Variants in THRB observed in about 807,000 individuals in gnomAD.
THRB encodes the protein nuclear receptor subfamily 1 group A member 2.
THRB carries 12 observed loss-of-function variants against 47.8 expected under a neutral mutation model. The observed-to-expected ratio is 0.25, with a 90% CI of 0.16 to 0.41. The LOEUF (loss-of-function observed/expected upper bound fraction) is 0.41. THRB is among the 10% of genes least tolerant of loss of function. The pLI is 1.00. For synonymous variants in THRB, 218 were observed against 212.2 expected (o/e 1.03, Z -0.24); for missense variants, 348 against 589.2 (o/e 0.59, Z 4.24).
In THRB at chr3:24,296,359, C is replaced by T. The variant is rs894819071; in HGVS notation, c.-43+867G>A. On this transcript the variant is annotated intron_variant, in intron 3 of 10. Transcript: ENST00000646209. The stretch of plus-strand genomic sequence containing the variant: ...GTGGCTTCCTATTTTAGGATAATGT[C>T]GGCTTCGGTTAGAAGCTTGACTTCC... 8.5e-5 allele frequency among the ~76,000 whole-genome samples: 13 copies of T among 152,192 alleles called. No individual in the cohort carries two copies. In the South Asian group the frequency reaches 1.2e-3, roughly 15 times the overall value.
At chr3:24,216,740 A>C (rs796581764) in intron 4 of THRB, among the ~76,000 whole-genome samples, 5 of 152,300 alleles carry the variant, frequency 3.3e-5, no homozygotes, top group African/African-American at 1.2e-4. Flanking sequence ...CAAAAATGTT[A>C]AATTGTATTA....
At chr3:24,450,462 T>A (rs1456089436) in intron 1 of THRB, among the ~76,000 whole-genome samples, 1 of 152,236 alleles carries the variant, frequency 6.6e-6, no homozygotes, top group African/African-American at 2.4e-5. Context: ...TTATCTCCAT[T>A]TGTGCATTTA....
chr3:24,487,346 A>G (rs1355345992), intron 1 of THRB, among the ~76,000 whole-genome samples: 3 of 121,996 alleles, frequency 2.5e-5, no homozygotes, highest in Non-Finnish European at 4.9e-5. Context: ...ACACACAAGC[A>G]CACACACACA....
At chr3:24,316,401 C>T (rs1026051838) in intron 2 of THRB, among the ~76,000 whole-genome samples, 12 of 151,894 alleles carry the variant, frequency 7.9e-5, no homozygotes, top group African/African-American at 1.5e-4. Flanking sequence ...CCTTCTCCCT[C>T]GGTTCCTTCC....
intron 5 of THRB, among the ~76,000 whole-genome samples, chr3:24,170,969 T>C (rs946965541): frequency 4.6e-5 from 7 of 152,232 alleles, no homozygotes; most frequent in Non-Finnish European, 8.8e-5. Flanking sequence ...TGTTCTTTTA[T>C]ATCTTCGTCA....
intron 4 of THRB, among the ~76,000 whole-genome samples, chr3:24,200,937 G>A (rs887822792): frequency 5.9e-5 from 9 of 152,130 alleles, no homozygotes; most frequent in Non-Finnish European, 1.2e-4. Flanking sequence ...GGCCTTAGTG[G>A]TATGACTTAA....
In THRB at chr3:24,163,628, T is replaced by C. The variant is rs1298897442; in HGVS notation, c.284-11138A>G. Among the ~76,000 whole-genome samples the C allele has an allele frequency of 3.3e-5, 5 of 152,174 alleles. No homozygotes were observed. In the East Asian group the frequency reaches 7.7e-4, roughly 23 times the overall value. On this transcript the variant is annotated intron_variant, in intron 5 of 10. Coordinates refer to ENST00000646209, the MANE Select transcript of THRB (RefSeq NM_001354712.2). ...AAATTACTTATACTATTAAATGAAA[T>C]AGCACATGTTCAATGTACCTCAAAT...
intron 6 of THRB, among the ~76,000 whole-genome samples, chr3:24,151,128 A>G (rs1299194066): frequency 6.6e-6 from 1 of 152,208 alleles, no homozygotes; most frequent in Non-Finnish European, 1.5e-5. Flanking sequence ...ATAAATAAGA[A>G]CATGTTACAC....
chr3:24,299,788 T>A (rs905422268), intron 2 of THRB, among the ~76,000 whole-genome samples: 10 of 94,988 alleles, frequency 1.1e-4, no homozygotes, highest in African/African-American at 1.3e-4. Flanking sequence ...TTTATTTATT[T>A]ATTTTTTTTT....
At chr3:24,359,599 T>C (rs1227851471) in intron 1 of THRB, among the ~76,000 whole-genome samples, 2 of 152,182 alleles carry the variant, frequency 1.3e-5, no homozygotes, top group Non-Finnish European at 2.9e-5. Context: ...AGTAGAAAAC[T>C]AGACAATTTT....
At chr3:24,285,021 T>C (rs943555480) in intron 3 of THRB, among the ~76,000 whole-genome samples, 5 of 152,116 alleles carry the variant, frequency 3.3e-5, no homozygotes, top group Admixed American at 2.6e-4. Context: ...GAAGTCAGTG[T>C]GGTGATTCCT....
intron 3 of THRB, among the ~76,000 whole-genome samples, chr3:24,264,258 G>A (rs913080518): frequency 5.9e-5 from 9 of 151,994 alleles, no homozygotes; most frequent in South Asian, 2.1e-4. Flanking sequence ...TTCATTTTAC[G>A]TTTGAAGAAA....
At chr3:24,342,415 G>C (rs1212651238) in intron 1 of THRB, among the ~76,000 whole-genome samples, 2 of 152,276 alleles carry the variant, frequency 1.3e-5, no homozygotes, top group African/African-American at 4.8e-5. Context: ...TGATATTGGA[G>C]CCCTGGGGTG....
At chr3:24,482,836 C>T (rs530949150) in intron 1 of THRB, among the ~76,000 whole-genome samples, 40 of 152,170 alleles carry the variant, frequency 2.6e-4, no homozygotes, top group Admixed American at 6.5e-4. Flanking sequence ...TGTACCTGAG[C>T]GACATTATCA....
At chr3:24,269,399 GCGCGCACACACACACA>G (rs770944970) in intron 3 of THRB, among the ~76,000 whole-genome samples, 5 of 89,872 alleles carry the variant, frequency 5.6e-5, no homozygotes, top group Non-Finnish European at 9.2e-5. Flanking sequence ...GCGCGCGCGC[GCGCGCACACACACACA>G]CACACACACA....
At chr3:24,164,055 T>C (rs1275590390) in intron 5 of THRB, among the ~76,000 whole-genome samples, 1 of 152,130 alleles carries the variant, frequency 6.6e-6, no homozygotes, top group Admixed American at 6.5e-5. Context: ...TAGAAACTCG[T>C]AAATTTGGTT....
chr3:24,308,158 C>T (rs1576716620), intron 2 of THRB, among the ~76,000 whole-genome samples: 1 of 151,472 alleles, frequency 6.6e-6, no homozygotes, highest in Admixed American at 6.6e-5. Flanking sequence ...TAGCCTGGAA[C>T]TTAAAATAAA....
intron 4 of THRB, among the ~76,000 whole-genome samples, chr3:24,197,771 A>G (rs756343597): frequency 6.6e-6 from 1 of 152,244 alleles, no homozygotes; most frequent in African/African-American, 2.4e-5. Context: ...TTAGCATCAA[A>G]GTTCTGCAAC....
chr3:24,314,818 T>G (rs1401567248), intron 2 of THRB, among the ~76,000 whole-genome samples: 1 of 152,198 alleles, frequency 6.6e-6, no homozygotes, highest in Non-Finnish European at 1.5e-5. Flanking sequence ...AAACTAAATG[T>G]CTCTCAAAGG....
Sources: allele counts gnomAD v4.1 joint callset (sites outside exome capture counted in the v4.1 genomes callset), GRCh38; gene constraint gnomAD v4.1.1; transcripts MANE v1.5; gene names NCBI Gene and HGNC (gene_info 2026-07-23, HGNC 2026-07-21).